The following PCDHGB7 variants were observed in gnomAD, a reference collection of about 807,000 sequenced individuals.
PCDHGB7 encodes protocadherin gamma-B7.
A neutral mutation model predicts 61.4 loss-of-function variants in PCDHGB7; 37 were observed. The observed-to-expected ratio is 0.60, with a 90% CI of 0.46 to 0.79. The LOEUF (loss-of-function observed/expected upper bound fraction) is 0.79, where lower values mean the gene tolerates loss of function less well. Among genes scored for constraint, PCDHGB7 ranks in the 30% least tolerant of loss-of-function variants. The probability of loss-of-function intolerance (pLI) is 0.00; values close to 1 mark genes in which losing one functional copy is unlikely to be tolerated. For missense variants in PCDHGB7, 1,166 were observed against 1,202.5 expected (o/e 0.97, Z 0.45); for synonymous variants, 464 against 503.5 (o/e 0.92, Z 1.05).
chr5:141,476,801 C>A lies in PCDHGB7; in HGVS notation c.2416-18006C>A, dbSNP rs752954707. The A allele has an allele frequency of 5.8e-5, 94 of 1,613,468 alleles. No homozygotes were observed. The highest frequency in any genetic ancestry group is 7.9e-5 in the Non-Finnish European group (93 of 1,180,028). The stretch of plus-strand genomic sequence containing the variant: ...GACCCCAGCTCTCTCCGCCAGCCTG[C>A]CTATTCACATCAAGGTGCTGGACGC... On this transcript the variant is annotated intron_variant, in intron 1 of 3. Transcript: ENST00000398594. This position sits in a 1 kb window ranked among gnomAD's most constrained non-coding sequence, Gnocchi z 7.6.
At chr5:141,435,614 C>T (rs1274100711) in intron 1 of PCDHGB7, among the ~76,000 whole-genome samples, 1 of 152,056 alleles carries the variant, frequency 6.6e-6, no homozygotes, top group Non-Finnish European at 1.5e-5. Context: ...ACATTAAATT[C>T]CCCATAACTT....
intron 1 of PCDHGB7, 122 bp downstream of exon 1, chr5:141,420,396 A>C: frequency 8.0e-7 from 1 of 1,250,930 alleles, no homozygotes; most frequent in Non-Finnish European, 1.1e-6. Context: ...ATATAGGTCA[A>C]ATTTATGGTT....
At chr5:141,423,444 A>C (rs1340932902) in intron 1 of PCDHGB7, 1 of 1,614,050 alleles carries the variant, frequency 6.2e-7, no homozygotes. Flanking sequence ...TGCCCACGTC[A>C]CATTTTGTAG....
intron 1 of PCDHGB7, among the ~76,000 whole-genome samples, chr5:141,468,946 C>T (rs1437282358): frequency 7.0e-6 from 1 of 141,900 alleles, no homozygotes; most frequent in East Asian, 2.0e-4. Context: ...ATGGGGTAAA[C>T]CTGTGGTTTT....
At chr5:141,425,802 C>T (rs966768224) in intron 1 of PCDHGB7, among the ~76,000 whole-genome samples, 6 of 152,160 alleles carry the variant, frequency 3.9e-5, no homozygotes, top group African/African-American at 1.4e-4. Context: ...ATGTGCATTG[C>T]TTCTGCTTAG....
chr5:141,450,831 T>TATTA (rs761717068), intron 1 of PCDHGB7, among the ~76,000 whole-genome samples: 2 of 144,580 alleles, frequency 1.4e-5, no homozygotes, highest in South Asian at 2.2e-4. Flanking sequence ...TTATTATTAT[T>TATTA]TTTTTTTTTT....
rs1386904017 is a variant in PCDHGB7 at position 141,476,642 on chromosome 5, CG to C, written c.2416-18164del. On this transcript the variant is annotated intron_variant, in intron 1 of 3. Coordinates refer to ENST00000398594, the MANE Select transcript of PCDHGB7 (RefSeq NM_018927.4). The surrounding 1 kb of genome is among the most constrained non-coding windows in gnomAD (Gnocchi z 7.6). ...CTCTTTACAAACCTATGAGCTGAGC[CG>C]AAATGAATACTTTGCGCTTCGCGTG... The C allele has an allele frequency of 2.5e-6, 4 of 1,614,240 alleles. No homozygotes were observed.
intron 3 of PCDHGB7, among the ~76,000 whole-genome samples, chr5:141,509,693 G>A (rs72790076): frequency 0.024 from 3,613 of 152,246 alleles, 55 homozygotes; most frequent in East Asian, 0.046. Flanking sequence ...ACAGTGGGAC[G>A]TTGGACTGGA....
At chr5:141,446,922 T>G (rs939249512) in intron 1 of PCDHGB7, among the ~76,000 whole-genome samples, 1 of 152,220 alleles carries the variant, frequency 6.6e-6, no homozygotes, top group Non-Finnish European at 1.5e-5. Context: ...TTTATCTTCC[T>G]GATCTCTTTT....
At chr5:141,452,281 T>C (rs948141174) in intron 1 of PCDHGB7, among the ~76,000 whole-genome samples, 1 of 152,232 alleles carries the variant, frequency 6.6e-6, no homozygotes, top group African/African-American at 2.4e-5. Flanking sequence ...CCTTTCTTAC[T>C]TTCTGATATA....
At chr5:141,421,088 C>A in intron 1 of PCDHGB7, 2 of 659,434 alleles carry the variant, frequency 3.0e-6, no homozygotes, top group South Asian at 4.0e-5. Flanking sequence ...CTCACAGATC[C>A]TGACACTGGA....
At chr5:141,494,972 C>G in intron 2 of PCDHGB7, 107 bp downstream of exon 2, 1 of 1,581,852 alleles carries the variant, frequency 6.3e-7, no homozygotes, top group Non-Finnish European at 8.6e-7. Context: ...TGGCTTCTCC[C>G]TCAGTTTGAG....
At chr5:141,475,828 C>T (rs1319658902) in intron 1 of PCDHGB7, 1 of 387,614 alleles carries the variant, frequency 2.6e-6, no homozygotes, top group Admixed American at 4.3e-5. Context: ...GGCGCTAGCG[C>T]GTGTCCTGCT....
chr5:141,421,888 C>T (rs1387624358), intron 1 of PCDHGB7: 5 of 1,613,746 alleles, frequency 3.1e-6, no homozygotes. Flanking sequence ...TGGAGGCGAT[C>T]CCATCCGAAA....
At chr5:141,492,974 C>G (rs1479838959) in intron 1 of PCDHGB7, among the ~76,000 whole-genome samples, 1 of 152,244 alleles carries the variant, frequency 6.6e-6, no homozygotes, top group Non-Finnish European at 1.5e-5. Flanking sequence ...CTAACAAGTC[C>G]TGTCTCCTCT....
intron 1 of PCDHGB7, among the ~76,000 whole-genome samples, chr5:141,488,139 T>A (rs906194527): frequency 6.6e-6 from 1 of 152,084 alleles, no homozygotes; most frequent in Non-Finnish European, 1.5e-5. Context: ...AGGAGAGAAC[T>A]AAAGGAATAG....
intron 1 of PCDHGB7, among the ~76,000 whole-genome samples, chr5:141,456,691 G>A (rs564429451): frequency 3.3e-5 from 5 of 152,234 alleles, no homozygotes; most frequent in South Asian, 4.1e-4. Flanking sequence ...CTGGCCAGGC[G>A]TGGTGGCTCG....
chr5:141,501,237 A>G (rs1327502244), intron 2 of PCDHGB7, among the ~76,000 whole-genome samples: 1 of 150,372 alleles, frequency 6.7e-6, no homozygotes, highest in Non-Finnish European at 1.5e-5. Flanking sequence ...CAGTTTTTTG[A>G]GCATGATGTA....
chr5:141,433,234 C>T (rs773942024), intron 1 of PCDHGB7: 3 of 1,512,746 alleles, frequency 2.0e-6, no homozygotes, highest in Middle Eastern at 1.8e-4. Flanking sequence ...TGCTCTGTCT[C>T]CCAAGCTGGA....
Sources: allele counts gnomAD v4.1 joint callset (sites outside exome capture counted in the v4.1 genomes callset), GRCh38; gene constraint gnomAD v4.1.1; non-coding constraint Gnocchi (gnomAD v3.1); transcripts MANE v1.5; gene names NCBI Gene and HGNC (gene_info 2026-07-23, HGNC 2026-07-21).